XKR4: variants seen among roughly 807,000 people sequenced by gnomAD.
The protein encoded by XKR4 is XK related 4.
Under a neutral mutation model 53.9 loss-of-function variants are expected in XKR4, and 12 were observed. The observed-to-expected ratio is 0.22, with a 90% CI of 0.14 to 0.36. The LOEUF is 0.36. XKR4 is among the 10% of genes least tolerant of loss of function. The pLI, the probability that XKR4 is intolerant of heterozygous loss-of-function variation, is 1.00. For synonymous variants in XKR4, 354 were observed against 362.4 expected (o/e 0.98, Z 0.26); for missense variants, 799 against 859.5 (o/e 0.93, Z 0.88).
intron 1 of XKR4, among the ~76,000 whole-genome samples, chr8:55,146,739 C>T (rs912776530): frequency 6.6e-6 from 1 of 152,158 alleles, no homozygotes; most frequent in African/African-American, 2.4e-5. Context: ...TCACTGAGGG[C>T]ATTTGCTTTT....
chr8:55,521,366 C>T (rs1196776208), intron 2 of XKR4, among the ~76,000 whole-genome samples: 2 of 152,182 alleles, frequency 1.3e-5, no homozygotes, highest in Admixed American at 1.3e-4. Context: ...ATTTCTCTCA[C>T]CTTCTTTTGT....
intron 2 of XKR4, among the ~76,000 whole-genome samples, chr8:55,413,713 T>G (rs1445496885): frequency 6.6e-6 from 1 of 152,226 alleles, no homozygotes; most frequent in Admixed American, 6.5e-5. Flanking sequence ...ACCAGAGAGA[T>G]GCATTTTGCC....
intron 2 of XKR4, among the ~76,000 whole-genome samples, chr8:55,398,838 C>T (rs943584057): frequency 6.6e-6 from 1 of 152,138 alleles, no homozygotes; most frequent in Non-Finnish European, 1.5e-5. Context: ...CCAATGTGAC[C>T]GTTTCCCTGG....
chr8:55,293,260 A>G (rs1819055784), intron 1 of XKR4, among the ~76,000 whole-genome samples: 2 of 152,114 alleles, frequency 1.3e-5, no homozygotes. Flanking sequence ...ACTTGAACCC[A>G]AGAGGCAAAG....
chr8:55,300,441 GAC>G (rs1819175354), intron 1 of XKR4, among the ~76,000 whole-genome samples: 1 of 152,170 alleles, frequency 6.6e-6, no homozygotes, highest in Admixed American at 6.5e-5. Context: ...ACAGGTGACA[GAC>G]AGGAGCTGAG....
chr8:55,478,763 A>C (rs2129400930), intron 2 of XKR4, among the ~76,000 whole-genome samples: 1 of 152,270 alleles, frequency 6.6e-6, no homozygotes, highest in East Asian at 1.9e-4. Context: ...GTCTCTGATA[A>C]AACAGACTTT....
chr8:55,471,807 T>G (rs752194753), intron 2 of XKR4, among the ~76,000 whole-genome samples: 9 of 152,126 alleles, frequency 5.9e-5, no homozygotes, highest in African/African-American at 7.2e-5. Context: ...CTCCTGCTCT[T>G]GCAATGTGAT....
intron 1 of XKR4, among the ~76,000 whole-genome samples, chr8:55,330,533 G>A (rs1563325772): frequency 1.3e-5 from 2 of 152,066 alleles, no homozygotes; most frequent in African/African-American, 4.8e-5. Flanking sequence ...GTTGTCCAGA[G>A]TAAATTAATT....
chr8:55,342,701 C>T (rs1331579554), intron 1 of XKR4, among the ~76,000 whole-genome samples: 1 of 152,156 alleles, frequency 6.6e-6, no homozygotes, highest in Non-Finnish European at 1.5e-5. Flanking sequence ...CTTCCTCTTC[C>T]TCCTTTGGAC....
At chr8:55,395,184 A>G (rs1804497755) in intron 2 of XKR4, among the ~76,000 whole-genome samples, 1 of 152,100 alleles carries the variant, frequency 6.6e-6, no homozygotes, top group East Asian at 1.9e-4. Context: ...GGAGAAGGAA[A>G]GGAAAGTTAG....
At chr8:55,311,038 G>T (rs1024394815) in intron 1 of XKR4, among the ~76,000 whole-genome samples, 4 of 152,142 alleles carry the variant, frequency 2.6e-5, no homozygotes, top group Non-Finnish European at 4.4e-5. Flanking sequence ...GAATTCCCAG[G>T]CACTACCTGC....
chr8:55,454,322 G>T, intron 2 of XKR4: 1 of 1,494,816 alleles, frequency 6.7e-7, no homozygotes, highest in East Asian at 2.3e-5. Context: ...TATGAAGGGC[G>T]TGGGTGTGCT....
chr8:55,298,651 G>A (rs1429743009), intron 1 of XKR4, among the ~76,000 whole-genome samples: 3 of 152,020 alleles, frequency 2.0e-5, no homozygotes, highest in Non-Finnish European at 2.9e-5. Flanking sequence ...CCAACATTAG[G>A]GATCACATTT....
intron 1 of XKR4, among the ~76,000 whole-genome samples, chr8:55,212,312 T>C (rs145218451): frequency 1.3e-5 from 2 of 152,328 alleles, no homozygotes; most frequent in East Asian, 3.9e-4. Flanking sequence ...CTCTGTGGAA[T>C]GTAGATTTTC....
intron 1 of XKR4, among the ~76,000 whole-genome samples, chr8:55,316,311 A>G (rs1819474742): frequency 6.6e-6 from 1 of 152,208 alleles, no homozygotes; most frequent in African/African-American, 2.4e-5. Context: ...AAAATAGGAC[A>G]GTCACATCCG....
intron 1 of XKR4, among the ~76,000 whole-genome samples, chr8:55,136,004 C>A (rs1816623913): frequency 6.6e-6 from 1 of 152,008 alleles, no homozygotes; most frequent in Non-Finnish European, 1.5e-5. Context: ...AGTGATGCTC[C>A]CACCTCAGTC....
Position 55,532,369 on chromosome 8 carries a change from T to A in XKR4, c.*8142T>A, listed in dbSNP as rs1215155785. On this transcript the variant is annotated 3_prime_UTR_variant, in exon 3 of 3. Coordinates refer to ENST00000327381, the MANE Select transcript of XKR4 (RefSeq NM_052898.2). ...TGATATAATATTTGCTAAGCAAAAA[T>A]CTTGTTTAACGAAAAAAATCAATAC... 6.6e-6 allele frequency: 1 copy of A among 152,124 alleles called. No homozygotes were observed. The highest frequency in any genetic ancestry group is 2.4e-5 in the African/African-American group (1 of 41,426). The allele number at this position is 152,124 out of a possible 1,614,324, so 9.4% of individuals were successfully genotyped here.
chr8:55,376,950 A>ACATT, intron 2 of XKR4, among the ~76,000 whole-genome samples: 1 of 72,954 alleles, frequency 1.4e-5, no homozygotes. Context: ...ACACAAACAC[A>ACATT]CACTCACACA....
rs1181971171 is a variant in XKR4 at position 55,451,452 on chromosome 8, C to A, written c.1007-71829C>A. ...TGGAGCTGACAACAGCCTGCAGGTA[C>A]TTCTCCTGCTCCAGGCTACTCGAGT... On this transcript the variant is annotated intron_variant, in intron 2 of 2. Coordinates refer to ENST00000327381, the MANE Select transcript of XKR4 (RefSeq NM_052898.2). 5.0e-5 allele frequency: 62 copies of A among 1,239,402 alleles called. No homozygotes were observed. In the East Asian group the frequency reaches 1.5e-3, roughly 30 times the overall value. 76.8% of individuals were successfully genotyped at this position (1,239,402 alleles called of 1,614,324 possible).
Sources: allele counts gnomAD v4.1 joint callset (sites outside exome capture counted in the v4.1 genomes callset), GRCh38; gene constraint gnomAD v4.1.1; transcripts MANE v1.5; gene names NCBI Gene and HGNC (gene_info 2026-07-23, HGNC 2026-07-21).